Variants in NAA38 observed in about 807,000 individuals in gnomAD.
NAA38 encodes LSM domain containing 1.
In NAA38, 15 loss-of-function variants were observed where a neutral mutation model predicts 12.6. The ratio of observed to expected loss-of-function variants is 1.19; its 90% CI spans 0.79 to 1.83. The LOEUF (loss-of-function observed/expected upper bound fraction) is 1.83, where lower values mean the gene tolerates loss of function less well. Ranked by LOEUF, NAA38 falls within the 40% of genes most tolerant of loss-of-function variation. The pLI is 0.00. For synonymous variants in NAA38, 88 were observed against 69.9 expected (o/e 1.26, Z -1.29); for missense variants, 183 against 171.7 (o/e 1.07, Z -0.37).
intron 2 of NAA38, among the ~76,000 whole-genome samples, chr17:7,882,911 G>C (rs1967306959): frequency 1.3e-5 from 2 of 152,288 alleles, no homozygotes; most frequent in South Asian, 4.1e-4. Flanking sequence ...GAATAACCCA[G>C]AGAGAAATGA....
intron 2 of NAA38, among the ~76,000 whole-genome samples, chr17:7,882,026 G>C (rs755825884): frequency 4.3e-4 from 66 of 151,790 alleles, no homozygotes; most frequent in Non-Finnish European, 7.5e-4. Flanking sequence ...GAGGTCAGGA[G>C]AGAGAGAGAG....
At chr17:7,877,666 T>C (rs914719763) in intron 2 of NAA38, among the ~76,000 whole-genome samples, 1 of 152,220 alleles carries the variant, frequency 6.6e-6, no homozygotes, top group African/African-American at 2.4e-5. Flanking sequence ...ATGGTGACTG[T>C]TTCTCTATAA....
Position 7,857,170 on chromosome 17 carries a change from GCCGAGTCCTCGCGCTCTCCGT to G in NAA38, c.89_109del (p.Asp30_Ser36del). 1.2e-6 allele frequency: 2 copies of G among 1,613,110 alleles called. No homozygotes were observed. The highest frequency in any genetic ancestry group is 2.2e-5 in the South Asian group (2 of 91,084). ...TAGCTGCTGTCGGGCGCGCTCAGCC[GCCGAGTCCTCGCGCTCTCCGT>G]CCGAATCCTGCGCGGGGTGTAACAA... On this transcript the variant is annotated inframe_deletion, in exon 2 of 3. Coordinates refer to ENST00000575771, the MANE Select transcript of NAA38 (RefSeq NM_001320925.4).
At chr17:7,871,765 C>T (rs532428672) in intron 2 of NAA38, among the ~76,000 whole-genome samples, 2 of 152,168 alleles carry the variant, frequency 1.3e-5, no homozygotes, top group Non-Finnish European at 2.9e-5. Flanking sequence ...AGCAATTCTC[C>T]TGCCTCAGCT....
upstream of NAA38, chr17:7,859,543 C>G: frequency 1.2e-6 from 2 of 1,614,156 alleles, no homozygotes; most frequent in Non-Finnish European, 1.7e-6. Flanking sequence ...TTGACTATCT[C>G]AGTATGGACG....
upstream of NAA38, chr17:7,859,502 G>T: frequency 6.2e-7 from 1 of 1,614,208 alleles, no homozygotes; most frequent in East Asian, 2.2e-5. Context: ...TACCCTGGAA[G>T]AGAATGGGAT....
chr17:7,877,765 G>C (rs1371967224), intron 2 of NAA38, among the ~76,000 whole-genome samples: 3 of 152,126 alleles, frequency 2.0e-5, no homozygotes, highest in Admixed American at 6.5e-5. Context: ...TAGTTTTGTG[G>C]CATAGTTGTT....
chr17:7,866,242 A>G (rs1214114056), intron 3 of NAA38, among the ~76,000 whole-genome samples: 1 of 143,138 alleles, frequency 7.0e-6, no homozygotes, highest in African/African-American at 2.6e-5. Context: ...GCCCGCCACC[A>G]AGCCCGGCTA....
At chr17:7,884,936 G>T (rs1293525154) in intron 1 of NAA38, 1 of 1,404,436 alleles carries the variant, frequency 7.1e-7, no homozygotes, top group South Asian at 1.5e-5. Context: ...CGAGGACGAT[G>T]AGGAGGACGA....
At chr17:7,859,184 G>T, upstream of NAA38, 1 of 605,004 alleles carries the variant, frequency 1.7e-6, no homozygotes, top group Non-Finnish European at 2.9e-6. Context: ...ATGGCCATCC[G>T]GTAGTTAGAA....
intron 2 of NAA38, among the ~76,000 whole-genome samples, chr17:7,874,885 C>CAAAAAA (rs35962141): frequency 4.4e-5 from 2 of 45,462 alleles, no homozygotes; most frequent in African/African-American, 7.9e-5. Flanking sequence ...AACTCCATCT[C>CAAAAAA]AAAAAAAAAA....
In NAA38 at chr17:7,857,098, C is replaced by G. The variant is rs1229972517; in HGVS notation, c.182G>C (p.Arg61Pro). Residue 61 changes from arginine (R) to proline (P), a missense_variant, in exon 2 of 3, where the codon CGG becomes CCG. Physicochemically the swap from Arg to Pro is moderately radical, Grantham distance 103 (BLOSUM62 -2). Transcript: ENST00000575771. ...KTMRIRMTDG[R>P]TLVGCFLCTD... The stretch of plus-strand genomic sequence containing the variant: ...GCAGAGGAAGCAGCCGACCAGTGTC[C>G]GTCCATCTGTCATGCGAATGCGCAT... 1.9e-6 allele frequency: 3 copies of G among 1,613,534 alleles called. No homozygotes were observed. The highest frequency in any genetic ancestry group is 1.7e-5 in the Admixed American group (1 of 60,030).
upstream of NAA38, chr17:7,858,240 G>A (rs775630823): frequency 1.9e-6 from 3 of 1,614,052 alleles, no homozygotes; most frequent in South Asian, 2.2e-5. Flanking sequence ...AGACCTCTGG[G>A]TATCTTACCT....
chr17:7,857,401 C>G lies in NAA38; in HGVS notation c.63G>C (p.Gln21His), dbSNP rs141942411. 363 of 1,602,736 alleles carry G rather than the reference C, an allele frequency of 2.3e-4. No individual in the cohort carries two copies. The highest frequency in any genetic ancestry group is 2.9e-4 in the Non-Finnish European group (338 of 1,176,238). Residue 21 changes from glutamine (Q) to histidine (H), a missense_variant, in exon 1 of 3, where the codon CAG (glutamine) becomes CAC (histidine). Gln to His is a conservative substitution (Grantham distance 24). Coordinates refer to ENST00000575771, the MANE Select transcript of NAA38 (RefSeq NM_001320925.4). ...REENGCCSRR[Q>H]SSSSAGDSDG... Reference sequence around the variant, plus strand: ...TGCTAACCCCAGCACTGGAGCTGCTCTGACGCCGACTGCAACAGCCATTCT... The same window carrying G: ...TGCTAACCCCAGCACTGGAGCTGCTGTGACGCCGACTGCAACAGCCATTCT...
chr17:7,871,364 C>G (rs1367879935), intron 2 of NAA38, among the ~76,000 whole-genome samples: 1 of 152,130 alleles, frequency 6.6e-6, no homozygotes, highest in East Asian at 1.9e-4. Context: ...GTACTTAGTT[C>G]CTGGATGCAG....
At chr17:7,879,394 G>C (rs956780507) in intron 2 of NAA38, among the ~76,000 whole-genome samples, 1 of 151,986 alleles carries the variant, frequency 6.6e-6, no homozygotes, top group African/African-American at 2.4e-5. Context: ...TGGGGTCCAA[G>C]ACTTCAGGGT....
chr17:7,857,212 AAC>A lies in NAA38; in HGVS notation c.82-16_82-15del, dbSNP rs770506844. The stretch of plus-strand genomic sequence containing the variant: ...TCCGTCCGAATCCTGCGCGGGGTGT[AAC>A]AAGCGCTCAGACCGCGCAGCCCAGG... On this transcript the variant is annotated splice_polypyrimidine_tract_variant and intron_variant, in intron 1 of 2. Transcript: ENST00000575771. 6.2e-7 allele frequency: 1 copy of A among 1,612,802 alleles called. No individual in the cohort carries two copies. The highest frequency in any genetic ancestry group is 1.7e-5 in the Admixed American group (1 of 60,014).
chr17:7,858,903 T>C (rs2078859550), upstream of NAA38: 1 of 1,304,518 alleles, frequency 7.7e-7, no homozygotes, highest in Non-Finnish European at 1.0e-6. Flanking sequence ...CAGGGCAACA[T>C]TTTTTCCATA....
chr17:7,860,030 G>C (rs530577159), upstream of NAA38: 34 of 197,252 alleles, frequency 1.7e-4, no homozygotes, highest in Non-Finnish European at 3.2e-4. Context: ...ACCATACAAA[G>C]CTGGCTTATC....
Sources: gnomAD v4.1 joint callset for allele counts (sites outside exome capture counted in the v4.1 genomes callset) on GRCh38, gnomAD v4.1.1 for gene constraint, MANE v1.5 for transcripts, NCBI Gene and HGNC (gene_info 2026-07-23, HGNC 2026-07-21) for gene names.